Variants in COL11A1 observed in about 807,000 individuals in gnomAD.
COL11A1 encodes collagen type XI alpha 1 chain.
In COL11A1, 74 loss-of-function variants were observed where a neutral mutation model predicts 265.2. The observed-to-expected ratio is 0.28, with a 90% CI of 0.23 to 0.34. The LOEUF (loss-of-function observed/expected upper bound fraction) is 0.34. Among genes scored for constraint, COL11A1 ranks in the 10% least tolerant of loss-of-function variants. The probability of loss-of-function intolerance (pLI) is 1.00; values close to 1 mark genes in which losing one functional copy is unlikely to be tolerated. For missense variants in COL11A1, 2,165 were observed against 2,263.6 expected (o/e 0.96, Z 0.88); for synonymous variants, 816 against 727.6 (o/e 1.12, Z -1.96).
intron 7 of COL11A1, 81 bp downstream of exon 7, chr1:103,025,439 AT>A (rs754402098): frequency 1.1e-5 from 11 of 970,062 alleles, no homozygotes; most frequent in Non-Finnish European, 1.7e-5. Context: ...GAAATTATAG[AT>A]TCTTCCAGAG....
intron 46 of COL11A1, among the ~76,000 whole-genome samples, chr1:102,931,583 G>A (rs1287437302): frequency 6.6e-6 from 1 of 152,162 alleles, no homozygotes; most frequent in African/African-American, 2.4e-5. Flanking sequence ...ATTTGGGGTA[G>A]AGAGTTCTGT....
chr1:102,917,479 A>T (rs918260123), intron 49 of COL11A1, among the ~76,000 whole-genome samples: 1 of 151,924 alleles, frequency 6.6e-6, no homozygotes, highest in Non-Finnish European at 1.5e-5. Context: ...GAAACCCCCA[A>T]CTAGACAAAT....
chr1:102,903,846 G>A (rs1424865319), intron 54 of COL11A1, among the ~76,000 whole-genome samples: 1 of 152,148 alleles, frequency 6.6e-6, no homozygotes, highest in African/African-American at 2.4e-5. Flanking sequence ...TATAAACAGA[G>A]TGATCTCACT....
Position 102,881,782 on chromosome 1 carries a change from G to T in COL11A1, c.4972-17C>A. On this transcript the variant is annotated splice_polypyrimidine_tract_variant and intron_variant, in intron 64 of 66. Transcript: ENST00000370096. The stretch of plus-strand genomic sequence containing the variant: ...AATTCTTACCTGTTGCAAAGGAACA[G>T]AAAAGTTAGTGAGTAGGTGAAAATT... The T allele has an allele frequency of 6.2e-7, 1 of 1,608,008 alleles. No homozygotes were observed. Among genetic ancestry groups the T allele is most frequent in the Non-Finnish European group, 8.5e-7 (1 of 1,175,430 alleles).
At chr1:102,977,008 G>A (rs888731683) in intron 35 of COL11A1, among the ~76,000 whole-genome samples, 1 of 152,066 alleles carries the variant, frequency 6.6e-6, no homozygotes, top group African/African-American at 2.4e-5. Context: ...ATATATATAT[G>A]CATGCCATGT....
Position 103,001,985 on chromosome 1 carries a change from T to G in COL11A1, c.2098-16A>C. ...CAGGAAGACCCTATTTTAAAAGAAT[T>G]TATTTCATATATCAGATATCAAATC... On this transcript the variant is annotated splice_polypyrimidine_tract_variant and intron_variant, in intron 23 of 66. Transcript: ENST00000370096. The G allele has an allele frequency of 1.2e-6, 2 of 1,603,642 alleles. No homozygotes were observed. Among genetic ancestry groups the G allele is most frequent in the Non-Finnish European group, 1.7e-6 (2 of 1,170,700 alleles).
intron 41 of COL11A1, among the ~76,000 whole-genome samples, chr1:102,947,797 AT>A (rs1659453160): frequency 6.6e-6 from 1 of 151,964 alleles, no homozygotes; most frequent in South Asian, 2.1e-4. Context: ...CATACTAAGT[AT>A]TGTAAAGCTC....
At chr1:103,014,170 G>A (rs997232026) in intron 13 of COL11A1, among the ~76,000 whole-genome samples, 2 of 151,886 alleles carry the variant, frequency 1.3e-5, no homozygotes, top group African/African-American at 4.8e-5. Flanking sequence ...TGACTTATAA[G>A]TTAGCAGAGT....
intron 49 of COL11A1, among the ~76,000 whole-genome samples, chr1:102,918,314 A>G (rs928539623): frequency 6.6e-6 from 1 of 151,880 alleles, no homozygotes; most frequent in African/African-American, 2.4e-5. Context: ...TTAAGAAAAT[A>G]TCCTGACATA....
intron 43 of COL11A1, among the ~76,000 whole-genome samples, chr1:102,939,905 A>T (rs1658546295): frequency 6.6e-6 from 1 of 152,138 alleles, no homozygotes. Flanking sequence ...TAGAGTCTGT[A>T]CTCACATGTT....
intron 49 of COL11A1, among the ~76,000 whole-genome samples, chr1:102,916,831 A>T (rs1457751282): frequency 6.7e-6 from 1 of 150,094 alleles, no homozygotes; most frequent in African/African-American, 2.4e-5. Context: ...TTACAAAAAA[A>T]AATTGCATTT....
At chr1:102,934,200 A>T (rs1169285614) in intron 46 of COL11A1, among the ~76,000 whole-genome samples, 2 of 152,100 alleles carry the variant, frequency 1.3e-5, no homozygotes, top group Admixed American at 6.5e-5. Context: ...TGTAATAATT[A>T]AGGTGGGTCT....
chr1:103,061,412 A>G (rs139274559), intron 4 of COL11A1, among the ~76,000 whole-genome samples: 1 of 152,222 alleles, frequency 6.6e-6, no homozygotes, highest in East Asian at 1.9e-4. Flanking sequence ...ATTTTCATAT[A>G]TATACTCCTA....
chr1:102,984,266 T>C, intron 30 of COL11A1, 75 bp from the exon 31 acceptor site: 1 of 1,010,160 alleles, frequency 9.9e-7, no homozygotes, highest in Non-Finnish European at 1.5e-6. Context: ...TCAATTTTTT[T>C]TAAATATTAG....
At chr1:103,062,387 A>G (rs1670743570) in intron 4 of COL11A1, among the ~76,000 whole-genome samples, 1 of 151,980 alleles carries the variant, frequency 6.6e-6, no homozygotes, top group South Asian at 2.1e-4. Flanking sequence ...AAATAATACT[A>G]CAGACCAATA....
At chr1:102,913,837 A>T in intron 52 of COL11A1, 147 bp from the exon 53 acceptor site, 2 of 793,712 alleles carry the variant, frequency 2.5e-6, no homozygotes, top group Middle Eastern at 4.8e-4. Context: ...AACCTTTTTT[A>T]AAAAGATTGT....
At chr1:102,939,180 T>A in intron 43 of COL11A1, 92 bp from the exon 44 acceptor site, 2 of 1,130,514 alleles carry the variant, frequency 1.8e-6, no homozygotes, top group African/African-American at 1.5e-5. Flanking sequence ...ACCTTTAATA[T>A]AATTACATGC....
rs748514838 is a variant in COL11A1 at position 102,934,532 on chromosome 1, T to C, written c.3517A>G (p.Arg1173Gly). Reference protein sequence around the residue: ...IAGGDGEPGPRGQQGMFGQKG... With the variant: ...IAGGDGEPGPGGQQGMFGQKG... ...TGCCCAAACATCCCCTGCTGTCCTC[T>C]AGGACCTGGTTCACCATCACCTCCC... Residue 1173 changes from arginine to glycine, a missense_variant, in exon 46 of 67, where the codon AGA becomes GGA. By Grantham distance (125) the Arg-to-Gly change is moderately radical. Transcript: ENST00000370096. The C allele has an allele frequency of 6.2e-7, 1 of 1,614,058 alleles. No individual in the cohort carries two copies. The highest frequency in any genetic ancestry group is 8.5e-7 in the Non-Finnish European group (1 of 1,179,938).
At chr1:103,074,507 G>C in intron 4 of COL11A1, 111 bp downstream of exon 4, 1 of 1,199,386 alleles carries the variant, frequency 8.3e-7, no homozygotes, top group South Asian at 1.3e-5. Context: ...TCACCCTTTA[G>C]AGTTTTCAAC....
Sources: gnomAD v4.1 joint callset for allele counts (sites outside exome capture counted in the v4.1 genomes callset) on GRCh38, gnomAD v4.1.1 for gene constraint, MANE v1.5 for transcripts, NCBI Gene and HGNC (gene_info 2026-07-23, HGNC 2026-07-21) for gene names.